Variants in MAP2K1 observed in about 807,000 individuals in gnomAD.
MAP2K1 encodes the protein mitogen-activated protein kinase kinase 1.
In MAP2K1, 16 loss-of-function variants were observed where a neutral mutation model predicts 46.3. The observed-to-expected ratio is 0.35, with a 90% CI of 0.23 to 0.52. The LOEUF is 0.52. Ranked by LOEUF, MAP2K1 falls within the 20% of genes least tolerant of loss-of-function variation. MAP2K1 has a pLI of 0.94. For synonymous variants in MAP2K1, 183 were observed against 185.6 expected (o/e 0.99, Z 0.11); for missense variants, 263 against 497.1 (o/e 0.53, Z 4.48).
chr15:66,421,882 T>TG (rs1185905637), intron 1 of MAP2K1, among the ~76,000 whole-genome samples: 1 of 85,180 alleles, frequency 1.2e-5, no homozygotes, highest in Non-Finnish European at 2.6e-5. Flanking sequence ...GCCCTCTTTC[T>TG]CTTTTTTTTT....
intron 5 of MAP2K1, among the ~76,000 whole-genome samples, chr15:66,471,742 A>C (rs1387554739): frequency 6.6e-6 from 1 of 152,144 alleles, no homozygotes; most frequent in Admixed American, 6.6e-5. Context: ...CAGGGACTCA[A>C]ATGCCATTAG....
chr15:66,473,898 T>C (rs1213274420), intron 5 of MAP2K1, among the ~76,000 whole-genome samples: 3 of 152,112 alleles, frequency 2.0e-5, no homozygotes, highest in African/African-American at 7.2e-5. Flanking sequence ...CCCAGGCTGA[T>C]CTTGAACTCC....
At chr15:66,416,065 C>T (rs2093423904) in intron 1 of MAP2K1, among the ~76,000 whole-genome samples, 2 of 152,144 alleles carry the variant, frequency 1.3e-5, no homozygotes, top group Admixed American at 6.5e-5. Flanking sequence ...CTCAGTTTAC[C>T]TGCAGCCCCA....
intron 5 of MAP2K1, among the ~76,000 whole-genome samples, chr15:66,452,787 C>T (rs72750484): frequency 0.017 from 2,630 of 152,242 alleles, 38 homozygotes; most frequent in Non-Finnish European, 0.024. Flanking sequence ...TTGCCTTCCC[C>T]GTTTCTTTAT....
chr15:66,407,391 T>C (rs552143480), intron 1 of MAP2K1, among the ~76,000 whole-genome samples: 83 of 152,284 alleles, frequency 5.5e-4, no homozygotes, highest in African/African-American at 1.8e-3. Context: ...TTCAGAATTT[T>C]TAGGCCATAG....
intron 10 of MAP2K1, chr15:66,490,183 GTA>G (rs1893201602): frequency 1.9e-6 from 1 of 526,260 alleles, no homozygotes; most frequent in African/African-American, 1.9e-5. Context: ...GGTGTATATA[GTA>G]TATAATATGC....
chr15:66,433,322 A>G (rs1330945383), intron 1 of MAP2K1, among the ~76,000 whole-genome samples: 1 of 152,220 alleles, frequency 6.6e-6, no homozygotes, highest in African/African-American at 2.4e-5. Flanking sequence ...TAGACTAAGT[A>G]GCTTAGACAA....
chr15:66,489,528 G>A (rs1893168751), intron 9 of MAP2K1, 190 bp from the exon 10 acceptor site: 1 of 684,440 alleles, frequency 1.5e-6, no homozygotes, highest in East Asian at 2.7e-5. Flanking sequence ...GTTGCTTTTT[G>A]ACCTTAGTTT....
chr15:66,435,354 T>TC, intron 2 of MAP2K1, 117 bp downstream of exon 2: 1 of 825,238 alleles, frequency 1.2e-6, no homozygotes, highest in South Asian at 1.6e-5. Flanking sequence ...TGTTTGAATT[T>TC]TTTTTTTTTT....
At chr15:66,488,171 T>G (rs1484780944) in intron 8 of MAP2K1, among the ~76,000 whole-genome samples, 1 of 152,166 alleles carries the variant, frequency 6.6e-6, no homozygotes, top group East Asian at 1.9e-4. Flanking sequence ...TCTTTCCTGT[T>G]CAGAAGGAAT....
chr15:66,484,590 C>T (rs1339536049), intron 6 of MAP2K1, among the ~76,000 whole-genome samples: 2 of 152,200 alleles, frequency 1.3e-5, no homozygotes, highest in Admixed American at 6.5e-5. Context: ...ACTCCCAACC[C>T]GCATTCCACA....
chr15:66,467,183 A>G (rs551303942), intron 5 of MAP2K1, among the ~76,000 whole-genome samples: 24 of 152,230 alleles, frequency 1.6e-4, no homozygotes, highest in Middle Eastern at 6.8e-3. Flanking sequence ...GCAGTGAGCC[A>G]AGATTGTGTC....
intron 9 of MAP2K1, 61 bp downstream of exon 9, chr15:66,489,337 ATTTC>A: frequency 6.8e-7 from 1 of 1,463,446 alleles, no homozygotes; most frequent in South Asian, 1.1e-5. Flanking sequence ...TCCCCACCCC[ATTTC>A]TGGAAGCACC....
chr15:66,407,786 G>A (rs1476947255), intron 1 of MAP2K1, among the ~76,000 whole-genome samples: 1 of 152,146 alleles, frequency 6.6e-6, no homozygotes, highest in Non-Finnish European at 1.5e-5. Context: ...AGGCTGCAGC[G>A]AGCTGTGGTA....
At position 66,403,829 on chromosome 15, in the gene MAP2K1, C is replaced by G. The variant is rs186696352; in HGVS notation, c.80+16402C>G. Among the ~76,000 whole-genome samples the G allele has an allele frequency of 3.6e-3, 550 of 152,278 alleles. 2 individuals are homozygous for G. The highest frequency in any genetic ancestry group is 0.013 in the African/African-American group (526 of 41,564). On this transcript the variant is annotated intron_variant, in intron 1 of 10. Transcript: ENST00000307102. ...CCCTCAGTCCATTTGAGAGTAGACTCAGAGTCAGAATTATTTGCCCCCTTT... is the reference window on the plus strand; with the variant it reads ...CCCTCAGTCCATTTGAGAGTAGACTGAGAGTCAGAATTATTTGCCCCCTTT...
chr15:66,403,400 G>GA (rs2093387338), intron 1 of MAP2K1, among the ~76,000 whole-genome samples: 1 of 152,154 alleles, frequency 6.6e-6, no homozygotes, highest in Non-Finnish European at 1.5e-5. Context: ...GGACAGGGAG[G>GA]AAAGGGTATT....
At chr15:66,463,082 T>C (rs950546585) in intron 5 of MAP2K1, among the ~76,000 whole-genome samples, 1 of 152,152 alleles carries the variant, frequency 6.6e-6, no homozygotes, top group African/African-American at 2.4e-5. Flanking sequence ...CTTAGCACAA[T>C]TCCCAAGTCT....
intron 1 of MAP2K1, among the ~76,000 whole-genome samples, chr15:66,416,111 T>G (rs2093424004): frequency 6.6e-6 from 1 of 152,230 alleles, no homozygotes. Flanking sequence ...ACTCTCAGGA[T>G]ATTCTCAGGA....
intron 5 of MAP2K1, among the ~76,000 whole-genome samples, chr15:66,481,172 G>C (rs1458452808): frequency 2.0e-5 from 3 of 151,980 alleles, no homozygotes; most frequent in Admixed American, 1.3e-4. Flanking sequence ...TGTGTAGGCT[G>C]TTAGGTGAGT....
Sources: allele counts gnomAD v4.1 joint callset (sites outside exome capture counted in the v4.1 genomes callset), GRCh38; gene constraint gnomAD v4.1.1; transcripts MANE v1.5; gene names NCBI Gene and HGNC (gene_info 2026-07-23, HGNC 2026-07-21).